Variants in KAT2A observed in about 807,000 individuals in gnomAD.
KAT2A encodes the protein histone acetyltransferase KAT2A.
A neutral mutation model predicts 95.2 loss-of-function variants in KAT2A; 42 were observed. The ratio of observed to expected loss-of-function variants is 0.44; its 90% CI spans 0.34 to 0.57. The LOEUF is 0.57. Among genes scored for constraint, KAT2A ranks in the 20% least tolerant of loss-of-function variants. The pLI is 0.01. For missense variants in KAT2A, 784 were observed against 1,126.3 expected (o/e 0.70, Z 4.35); for synonymous variants, 449 against 448.2 (o/e 1.00, Z -0.02).
At chr17:42,116,484 G>A (rs1275301617) in intron 11 of KAT2A, among the ~76,000 whole-genome samples, 2 of 152,232 alleles carry the variant, frequency 1.3e-5, no homozygotes, top group Non-Finnish European at 2.9e-5. Context: ...TTGGGAGGCC[G>A]AGGTGGGTGA....
Position 42,119,048 on chromosome 17 carries a change from A to G in KAT2A, c.1073+197T>C. 3 of 1,424,552 alleles carry G rather than the reference A, an allele frequency of 2.1e-6. No individual in the cohort carries two copies. The highest frequency in any genetic ancestry group is 2.8e-6 in the Non-Finnish European group (3 of 1,090,732). 88.2% of individuals were successfully genotyped at this position (1,424,552 alleles called of 1,614,324 possible). On this transcript the variant is annotated intron_variant, in intron 6 of 17. Coordinates refer to ENST00000225916, the MANE Select transcript of KAT2A (RefSeq NM_021078.3). This position sits in a 1 kb window ranked among gnomAD's most constrained non-coding sequence, Gnocchi z 5.3. Reference sequence around the variant, plus strand: ...GGTGGGGGCAGCGTTAGCTTGGGCTATGTACCTGCCATCCCCAGACTAGTA... The same window carrying G: ...GGTGGGGGCAGCGTTAGCTTGGGCTGTGTACCTGCCATCCCCAGACTAGTA...
At chr17:42,118,047 G>C (rs782325866) in intron 7 of KAT2A, 30 bp from the exon 8 acceptor site, 1 of 1,343,862 alleles carries the variant, frequency 7.4e-7, no homozygotes. Flanking sequence ...TCAGGGATGG[G>C]GGGCTGAAGC....
At position 42,121,056 on chromosome 17, in the gene KAT2A, C is replaced by G; in HGVS notation, c.249G>C (p.Gln83His). 6.3e-7 allele frequency: 1 copy of G among 1,582,552 alleles called. No individual in the cohort carries two copies. Among genetic ancestry groups the G allele is most frequent in the Non-Finnish European group, 8.6e-7 (1 of 1,166,712 alleles). The change falls in exon 1 of 18, where the codon CAG becomes CAC. Residue 83 changes from glutamine (Q) to histidine (H), a missense_variant. Coordinates refer to ENST00000225916, the MANE Select transcript of KAT2A (RefSeq NM_021078.3). Reference protein sequence around the residue: ...GGDPARPGLSQQQRASQRKAQ... With the variant: ...GGDPARPGLSHQQRASQRKAQ... ...CCTTCCTCTGACTGGCGCGCTGCTG[C>G]TGGCTCAGGCCAGGTCGAGCCGGAT...
At chr17:42,118,114 CAG>C in intron 7 of KAT2A, 97 bp from the exon 8 acceptor site, 1 of 778,670 alleles carries the variant, frequency 1.3e-6, no homozygotes, top group Non-Finnish European at 2.0e-6. Context: ...GAGAGAGAGT[CAG>C]GGACGGGGGT....
At chr17:42,115,939 G>A in intron 11 of KAT2A, 106 bp from the exon 12 acceptor site, 2 of 744,046 alleles carry the variant, frequency 2.7e-6, no homozygotes, top group Non-Finnish European at 5.0e-6. Context: ...GAGGTAGAGA[G>A]AGCGAGAGCA....
chr17:42,115,196 G>C (rs1196185863), intron 12 of KAT2A, among the ~76,000 whole-genome samples, 161 bp from the exon 13 acceptor site: 1 of 152,106 alleles, frequency 6.6e-6, no homozygotes, highest in Non-Finnish European at 1.5e-5. Flanking sequence ...TCCCTGGAAA[G>C]GTCCCAGGTC....
In KAT2A at chr17:42,114,909, T is replaced by C; in HGVS notation, c.2002A>G (p.Ile668Val). The change falls in exon 13 of 18, where the codon ATC becomes GTC. Residue 668 changes from isoleucine to valine, a missense_variant. By Grantham distance (29) the Ile-to-Val change is conservative (BLOSUM62 3). Around this residue, in one of 6 missense-constraint regions of KAT2A, gnomAD observed 195 missense variants for 247.1 expected, o/e 0.79. Coordinates refer to ENST00000225916, the MANE Select transcript of KAT2A (RefSeq NM_021078.3). The surrounding 1 kb of genome is among the most constrained non-coding windows in gnomAD (Gnocchi z 6.0). ...CACACCACCTCTTTCTGCTTCTTGATGATGTGGGACAGCTCCGTGTAGGGG... is the reference window on the plus strand; with the variant it reads ...CACACCACCTCTTTCTGCTTCTTGACGATGTGGGACAGCTCCGTGTAGGGG... ...RIPYTELSHI[I>V]KKQKEIIKKL... The C allele has an allele frequency of 6.2e-7, 1 of 1,614,074 alleles. No individual in the cohort carries two copies. Among genetic ancestry groups the C allele is most frequent in the East Asian group, 2.2e-5 (1 of 44,890 alleles).
chr17:42,118,281 G>T lies in KAT2A; in HGVS notation c.1180+16C>A. On this transcript the variant is annotated intron_variant, in intron 7 of 17. Coordinates refer to ENST00000225916, the MANE Select transcript of KAT2A (RefSeq NM_021078.3). ...AGGCAGGCCAGACACCCTACAGAGC[G>T]TACCATGGCACATACCTGGCCGGGG... 1 of 1,565,300 alleles carries T rather than the reference G, an allele frequency of 6.4e-7. No individual in the cohort carries two copies. Among genetic ancestry groups the T allele is most frequent in the Non-Finnish European group, 8.8e-7 (1 of 1,135,768 alleles).
chr17:42,118,264 C>A, intron 7 of KAT2A, 33 bp downstream of exon 7: 2 of 1,507,166 alleles, frequency 1.3e-6, no homozygotes, highest in Non-Finnish European at 1.8e-6. Context: ...CCAGGCAGGC[C>A]AGACACCCTA....
At position 42,115,785 on chromosome 17, in the gene KAT2A, G is replaced by A. The variant is rs782487563; in HGVS notation, c.1813C>T (p.His605Tyr). ...TAGGTGAGGAAGTAGAGAATGTTGTGCTTGATGTGATACTCCTTCAGGTGG... is the reference window on the plus strand; with the variant it reads ...TAGGTGAGGAAGTAGAGAATGTTGTACTTGATGTGATACTCCTTCAGGTGG... ...MNHLKEYHIKHNILYFLTYAD... is the reference protein window; with the variant it reads ...MNHLKEYHIKYNILYFLTYAD... The change falls in exon 12 of 18, where the codon CAC becomes TAC. Residue 605 changes from histidine (H) to tyrosine (Y), a missense_variant. Coordinates refer to ENST00000225916, the MANE Select transcript of KAT2A (RefSeq NM_021078.3). 6.2e-7 allele frequency: 1 copy of A among 1,613,948 alleles called. No individual in the cohort carries two copies. Among genetic ancestry groups the A allele is most frequent in the South Asian group, 1.1e-5 (1 of 91,082 alleles).
Position 42,114,566 on chromosome 17 carries a change from G to C in KAT2A, c.2058C>G (p.Ile686Met), listed in dbSNP as rs1267866035. The change falls in exon 14 of 18, where the codon ATC (isoleucine) becomes ATG (methionine). Residue 686 changes from isoleucine (I) to methionine (M), a missense_variant. By Grantham distance (10) the Ile-to-Met change is conservative. This residue lies in a region of KAT2A where 195 missense variants were observed against 247.1 expected (regional missense o/e 0.79). Coordinates refer to ENST00000225916, the MANE Select transcript of KAT2A (RefSeq NM_021078.3). This position sits in a 1 kb window ranked among gnomAD's most constrained non-coding sequence, Gnocchi z 6.0. The stretch of plus-strand genomic sequence containing the variant: ...AGCTGAGCCCCGGGTAGACCTTGCG[G>C]ATCTGGGCCTGTTTGCGCTCAATCA... The part of the protein sequence containing the change: ...KKLIERKQAQ[I>M]RKVYPGLSCF... 1 of 1,614,038 alleles carries C rather than the reference G, an allele frequency of 6.2e-7. No homozygotes were observed. The highest frequency in any genetic ancestry group is 8.5e-7 in the Non-Finnish European group (1 of 1,179,976).
rs868960614 is a variant in KAT2A, at chr17:42,113,987, G to A, written c.2320+13C>T. On this transcript the variant is annotated intron_variant, in intron 17 of 17. Coordinates refer to ENST00000225916, the MANE Select transcript of KAT2A (RefSeq NM_021078.3). ...AGAAGAGGAGGGAAGGGGATGGAAT[G>A]GAAGGTCCTCACCAATGGGGAAGCG... 6.6e-7 allele frequency: 1 copy of A among 1,507,894 alleles called. No homozygotes were observed. Among genetic ancestry groups the A allele is most frequent in the Non-Finnish European group, 8.8e-7 (1 of 1,130,520 alleles). The allele number at this position is 1,507,894 out of a possible 1,614,324, so 93.4% of individuals were successfully genotyped here. A position where few individuals can be genotyped will look rare whatever the true frequency, so the allele number is the denominator to read the frequency against.
In KAT2A at chr17:42,114,831, T is replaced by C; in HGVS notation, c.2019+61A>G. 3 of 1,561,054 alleles carry C rather than the reference T, an allele frequency of 1.9e-6. No individual in the cohort carries two copies. In the South Asian group the frequency reaches 3.4e-5, roughly 18 times the overall value. On this transcript the variant is annotated intron_variant, in intron 13 of 17. Coordinates refer to ENST00000225916, the MANE Select transcript of KAT2A (RefSeq NM_021078.3). The surrounding 1 kb of genome is among the most constrained non-coding windows in gnomAD (Gnocchi z 6.0). ...GACGTAGAACAGGTCTACACACGTG[T>C]GCTCGCCCTCTGCATGCCCATTCAT...
At chr17:42,118,977 G>T in intron 6 of KAT2A, 1 of 1,243,196 alleles carries the variant, frequency 8.0e-7, no homozygotes, top group Non-Finnish European at 1.0e-6. Context: ...CTGTGTCCAG[G>T]CCCCCATGGG....
Position 42,119,859 on chromosome 17 carries a change from G to C in KAT2A, c.700-141C>G, listed in dbSNP as rs2054311075. 5.1e-6 allele frequency: 5 copies of C among 976,340 alleles called. No homozygotes were observed. In the South Asian group the frequency reaches 8.0e-5, roughly 16 times the overall value. The allele number at this position is 976,340 out of a possible 1,614,324, so 60.5% of individuals were successfully genotyped here. On this transcript the variant is annotated intron_variant, in intron 4 of 17. Coordinates refer to ENST00000225916, the MANE Select transcript of KAT2A (RefSeq NM_021078.3). The surrounding 1 kb of genome is among the most constrained non-coding windows in gnomAD (Gnocchi z 5.3). ...TCTCTCGGGTGCTCTCTATAGAAAA[G>C]CTCTGCCCCCTCCCTACCACCATGC... is the stretch of plus-strand genomic sequence containing the variant.
At position 42,117,693 on chromosome 17, in the gene KAT2A, G is replaced by A. The variant is rs1555666312; in HGVS notation, c.1413C>T (p.Ala471=). The A allele has an allele frequency of 2.5e-6, 4 of 1,611,156 alleles. No individual in the cohort carries two copies. Among genetic ancestry groups the A allele is most frequent in the Non-Finnish European group, 3.4e-6 (4 of 1,178,340 alleles). The change falls in exon 9 of 18, where the codon GCC becomes GCT. Residue 471 remains alanine (A), a synonymous_variant. Transcript: ENST00000225916. The surrounding 1 kb of genome is among the most constrained non-coding windows in gnomAD (Gnocchi z 8.9). ...GGCTGCCCACCTCAGGCCCCAGCATGGCAGCAGGGTCAGTGATGGTCAGCA... is the reference window on the plus strand; with the variant it reads ...GGCTGCCCACCTCAGGCCCCAGCATAGCAGCAGGGTCAGTGATGGTCAGCA... ...EVMLTITDPA[A]MLGPETSLLS...
chr17:42,120,280 G>C lies in KAT2A; in HGVS notation c.554C>G (p.Ser185Cys), dbSNP rs375728355. Residue 185 changes from serine to cysteine, a missense_variant, in exon 3 of 18, where the codon TCT becomes TGT. By Grantham distance (112) the Ser-to-Cys change is moderately radical (BLOSUM62 -1). This residue lies in a region of KAT2A where 208 missense variants were observed against 339.7 expected (regional missense o/e 0.61). Coordinates refer to ENST00000225916, the MANE Select transcript of KAT2A (RefSeq NM_021078.3). ...MVVDVENLFMSVHKEEDTDTK... is the reference protein window; with the variant it reads ...MVVDVENLFMCVHKEEDTDTK... ...GTCTGTGTCCTCTTCCTTGTGAACAGACATGAAGAGATTCTCCACATCCAC... is the reference window on the plus strand; with the variant it reads ...GTCTGTGTCCTCTTCCTTGTGAACACACATGAAGAGATTCTCCACATCCAC... The C allele has an allele frequency of 5.6e-6, 9 of 1,614,004 alleles. No individual in the cohort carries two copies. The African/African-American group carries it at 1.1e-4, about 19-fold the overall frequency.
intron 7 of KAT2A, 49 bp from the exon 8 acceptor site, chr17:42,118,066 GAGAGAGAGA>G (rs750090990): frequency 0.02 from 26,456 of 1,301,968 alleles, 899 homozygotes; most frequent in South Asian, 0.032. Flanking sequence ...GCTGAGGAGA[GAGAGAGAGA>G]AGTCAGGGAC....
chr17:42,117,835 G>A lies in KAT2A; in HGVS notation c.1292-21C>T, dbSNP rs1555666369. ...CTCGCCTATTGGGGAGGCAGGCAAG[G>A]TTGCTCAGGATCAGTAAAAAAGGTT... is the stretch of plus-strand genomic sequence containing the variant. On this transcript the variant is annotated intron_variant, in intron 8 of 17. Coordinates refer to ENST00000225916, the MANE Select transcript of KAT2A (RefSeq NM_021078.3). The surrounding 1 kb of genome is among the most constrained non-coding windows in gnomAD (Gnocchi z 8.9). 2 of 1,612,536 alleles carry A rather than the reference G, an allele frequency of 1.2e-6. No homozygotes were observed. Among genetic ancestry groups the A allele is most frequent in the South Asian group, 1.1e-5 (1 of 90,972 alleles).
Sources: gnomAD v4.1 joint callset for allele counts (sites outside exome capture counted in the v4.1 genomes callset) on GRCh38, gnomAD v4.1.1 for gene constraint, gnomAD v4.1.1 regional missense constraint, Gnocchi (gnomAD v3.1) non-coding constraint, MANE v1.5 for transcripts, NCBI Gene and HGNC (gene_info 2026-07-23, HGNC 2026-07-21) for gene names.